The following WDPCP variants were observed in gnomAD, a reference collection of about 807,000 sequenced individuals.
The protein encoded by WDPCP is WD repeat-containing and planar cell polarity effector protein fritz homolog.
In WDPCP, 71 loss-of-function variants were observed where a neutral mutation model predicts 93.1. The observed-to-expected ratio is 0.76, with a 90% CI of 0.63 to 0.93. WDPCP has a LOEUF of 0.93. Ranked by LOEUF, WDPCP falls within the 40% of genes least tolerant of loss-of-function variation. The pLI, the probability that WDPCP is intolerant of heterozygous loss-of-function variation, is 0.00. For synonymous variants in WDPCP, 315 were observed against 315.0 expected (o/e 1.00, Z 0.00); for missense variants, 844 against 887.4 (o/e 0.95, Z 0.62).
At chr2:63,615,753 C>G (rs1241338790) in intron 3 of WDPCP, among the ~76,000 whole-genome samples, 1 of 152,166 alleles carries the variant, frequency 6.6e-6, no homozygotes, top group Non-Finnish European at 1.5e-5. Flanking sequence ...GGCAATGAGG[C>G]CATTTCAAGA....
intron 14 of WDPCP, among the ~76,000 whole-genome samples, chr2:63,183,384 C>T (rs907400192): frequency 1.3e-5 from 2 of 151,788 alleles, no homozygotes; most frequent in Non-Finnish European, 2.9e-5. Flanking sequence ...TTGTCTTTGA[C>T]CTAAAGACCA....
At chr2:63,643,787 T>C (rs142802867) in intron 3 of WDPCP, 17 of 539,428 alleles carry the variant, frequency 3.2e-5, no homozygotes, top group South Asian at 2.1e-4. Flanking sequence ...ATGACATCCA[T>C]GAATCCAAGC....
chr2:63,529,389 A>G (rs539010739), intron 1 of WDPCP, among the ~76,000 whole-genome samples: 1 of 152,300 alleles, frequency 6.6e-6, no homozygotes, highest in South Asian at 2.1e-4. Flanking sequence ...GATATGTCCC[A>G]CCAATACCTA....
chr2:63,433,537 T>C (rs766433381), intron 9 of WDPCP, among the ~76,000 whole-genome samples: 1 of 152,174 alleles, frequency 6.6e-6, no homozygotes, highest in Non-Finnish European at 1.5e-5. Context: ...GAGCTAGCAT[T>C]TGAACCTGGA....
At chr2:63,345,313 G>A (rs1161947348) in intron 12 of WDPCP, among the ~76,000 whole-genome samples, 1 of 152,138 alleles carries the variant, frequency 6.6e-6, no homozygotes, top group Non-Finnish European at 1.5e-5. Context: ...CAATACTAAT[G>A]CAGTCTGTTT....
intron 13 of WDPCP, among the ~76,000 whole-genome samples, chr2:63,268,927 G>A (rs1289497226): frequency 2.0e-5 from 3 of 151,934 alleles, no homozygotes; most frequent in African/African-American, 7.3e-5. Context: ...ACATCACATT[G>A]TACCCCATAA....
At chr2:63,719,790 T>G (rs1248472370) in intron 2 of WDPCP, among the ~76,000 whole-genome samples, 1 of 152,116 alleles carries the variant, frequency 6.6e-6, no homozygotes, top group Non-Finnish European at 1.5e-5. Flanking sequence ...TTATAAAAGT[T>G]TTTAAAAGTT....
chr2:63,666,474 A>T (rs563663959), intron 2 of WDPCP, among the ~76,000 whole-genome samples: 1 of 152,206 alleles, frequency 6.6e-6, no homozygotes, highest in South Asian at 2.1e-4. Flanking sequence ...TGTATGTTTA[A>T]AACTCCAGTT....
chr2:63,721,955 C>T (rs62137459), intron 2 of WDPCP, among the ~76,000 whole-genome samples: 1 of 152,126 alleles, frequency 6.6e-6, no homozygotes, highest in South Asian at 2.1e-4. Context: ...GGTCTCCAGC[C>T]CCTAACCGCA....
chr2:63,481,967 T>A (rs916288139), intron 6 of WDPCP, among the ~76,000 whole-genome samples: 6 of 151,470 alleles, frequency 4.0e-5, no homozygotes, highest in Non-Finnish European at 8.8e-5. Flanking sequence ...TAAAATAAAC[T>A]ACTATCCTCC....
chr2:63,510,524 G>C (rs992329665), intron 1 of WDPCP, among the ~76,000 whole-genome samples: 6 of 152,182 alleles, frequency 3.9e-5, no homozygotes, highest in Non-Finnish European at 8.8e-5. Flanking sequence ...ACCGGCACAA[G>C]ACAAGGATGC....
intron 6 of WDPCP, chr2:63,442,989 C>T (rs779409041): frequency 2.6e-4 from 40 of 152,084 alleles, no homozygotes; most frequent in Admixed American, 1.3e-4. Context: ...GGTTAGATAA[C>T]TGATCTATGC....
intron 14 of WDPCP, among the ~76,000 whole-genome samples, chr2:63,204,641 C>G (rs1342856811): frequency 9.2e-5 from 14 of 152,092 alleles, no homozygotes; most frequent in South Asian, 2.1e-4. Context: ...TGCGCCTGGC[C>G]TGTACTTTTG....
At chr2:63,383,218 A>C (rs943677588) in intron 10 of WDPCP, among the ~76,000 whole-genome samples, 1 of 152,184 alleles carries the variant, frequency 6.6e-6, no homozygotes, top group African/African-American at 2.4e-5. Flanking sequence ...TTTGCATCTA[A>C]AATTATGTAA....
At chr2:63,689,479 G>C (rs979058943) in intron 2 of WDPCP, among the ~76,000 whole-genome samples, 8 of 152,150 alleles carry the variant, frequency 5.3e-5, no homozygotes, top group African/African-American at 1.9e-4. Context: ...AATTGTGACG[G>C]ATAGTTCTTG....
the WDPCP span, among the ~76,000 whole-genome samples, chr2:63,837,266 A>C: frequency 6.6e-6 from 1 of 152,216 alleles, no homozygotes; most frequent in African/African-American, 2.4e-5. Context: ...ATCTTTTTCC[A>C]GTTAAGCCCG....
intron 3 of WDPCP, among the ~76,000 whole-genome samples, chr2:63,593,996 T>G (rs938229776): frequency 1.3e-5 from 2 of 152,208 alleles, no homozygotes; most frequent in Non-Finnish European, 2.9e-5. Flanking sequence ...ATAAAAAATC[T>G]TGTTTTTCCT....
chr2:63,640,690 T>C (rs550478821), intron 3 of WDPCP, among the ~76,000 whole-genome samples: 46 of 152,288 alleles, frequency 3.0e-4, no homozygotes, highest in African/African-American at 1.1e-3. Context: ...TTTTTGTGGG[T>C]ACATAGTAAG....
intron 14 of WDPCP, chr2:63,229,599 T>C (rs1161152613): frequency 6.6e-6 from 1 of 152,116 alleles, no homozygotes; most frequent in Non-Finnish European, 1.5e-5. Context: ...CCATCTTGAA[T>C]TAATTTTTGT....
Sources: allele counts gnomAD v4.1 joint callset (sites outside exome capture counted in the v4.1 genomes callset), GRCh38; gene constraint gnomAD v4.1.1; transcripts MANE v1.5; gene names NCBI Gene and HGNC (gene_info 2026-07-23, HGNC 2026-07-21).